SMCP: variants seen among roughly 807,000 people sequenced by gnomAD.
The protein encoded by SMCP is sperm mitochondrial-associated cysteine-rich protein.
For missense variants in SMCP, 137 were observed against 137.1 expected, an observed-to-expected ratio of 1.00 and a Z score of 0.01; for synonymous variants, 41 against 46.9, an observed-to-expected ratio of 0.87 and a Z score of 0.51.
intron 1 of SMCP, among the ~76,000 whole-genome samples, chr1:152,882,374 G>C (rs1435214475): frequency 1.3e-5 from 2 of 152,200 alleles, no homozygotes; most frequent in African/African-American, 4.8e-5. Context: ...AAGAGATGTG[G>C]CTTTCTAAAC....
rs1052473698 is a variant in SMCP at position 152,884,932 on chromosome 1, A to G, written c.*159A>G. The G allele has an allele frequency of 1.2e-4, 77 of 667,170 alleles. No individual in the cohort carries two copies. Among genetic ancestry groups the G allele is most frequent in the African/African-American group, 9.6e-4 (53 of 54,928 alleles). The allele number at this position is 667,170 out of a possible 1,614,324, so 41.3% of individuals were successfully genotyped here. A position where few individuals can be genotyped will look rare whatever the true frequency, so the allele number is the denominator to read the frequency against. Reference sequence around the variant, plus strand: ...ATGAGAGGCTCCTATTTCCCATCATAGCTCCCTACCCTAGGGAGGCCTCCA... The same window carrying G: ...ATGAGAGGCTCCTATTTCCCATCATGGCTCCCTACCCTAGGGAGGCCTCCA... On this transcript the variant is annotated 3_prime_UTR_variant, in exon 2 of 2. Transcript: ENST00000368765.
At chr1:152,879,314 G>A (rs1466947488) in intron 1 of SMCP, among the ~76,000 whole-genome samples, 4 of 152,058 alleles carry the variant, frequency 2.6e-5, no homozygotes, top group Admixed American at 6.5e-5. Context: ...TCTACCTCCC[G>A]GATTCAAGTG....
chr1:152,880,934 G>C lies in SMCP; in HGVS notation c.-21+2488G>C, dbSNP rs1039526381. ...TCTCTCACCCTAATGCTGTAGTTCA[G>C]GAGATTCAAACATAGGGGTCCTTAT... On this transcript the variant is annotated intron_variant, in intron 1 of 1. Coordinates refer to ENST00000368765, the MANE Select transcript of SMCP (RefSeq NM_030663.3). Among the ~76,000 whole-genome samples the C allele has an allele frequency of 7.9e-5, 12 of 152,206 alleles. No individual in the cohort carries two copies. In the South Asian group the frequency reaches 1.5e-3, roughly 18 times the overall value.
intron 1 of SMCP, among the ~76,000 whole-genome samples, chr1:152,881,053 G>A (rs1649019473): frequency 1.3e-5 from 2 of 152,046 alleles, no homozygotes; most frequent in South Asian, 2.1e-4. Context: ...AGTCTGCGCT[G>A]GGGCTGGGTC....
chr1:152,880,633 C>T (rs180758957), intron 1 of SMCP, among the ~76,000 whole-genome samples: 126 of 152,250 alleles, frequency 8.3e-4, no homozygotes, highest in African/African-American at 2.9e-3. Context: ...GACTTGTCCC[C>T]ACCCCCATCC....
chr1:152,884,332 G>A, intron 1 of SMCP, 71 bp from the exon 2 acceptor site: 1 of 1,290,280 alleles, frequency 7.8e-7, no homozygotes, highest in Non-Finnish European at 1.1e-6. Context: ...GTATTTGGGT[G>A]TCAAGAAAGG....
At chr1:152,881,581 G>A (rs995999716) in intron 1 of SMCP, among the ~76,000 whole-genome samples, 12 of 151,046 alleles carry the variant, frequency 7.9e-5, no homozygotes, top group South Asian at 4.2e-4. Flanking sequence ...CCAGCTACTC[G>A]GGAGGCTGAG....
At chr1:152,878,840 G>A (rs995540944) in intron 1 of SMCP, among the ~76,000 whole-genome samples, 4 of 152,234 alleles carry the variant, frequency 2.6e-5, no homozygotes, top group Non-Finnish European at 5.9e-5. Context: ...AGGTTTGAAC[G>A]ATATTCAGTG....
rs16834734 is a variant in SMCP at position 152,880,802 on chromosome 1, T to C, written c.-21+2356T>C. Among the ~76,000 whole-genome samples, 5,636 of 152,086 alleles carry C rather than the reference T, an allele frequency of 0.037. 926 individuals carry two copies. The East Asian group carries it at 0.52, about 14-fold the overall frequency. Reference sequence around the variant, plus strand: ...CACTCTCCCCTTTTTAGGTGGGAACTGCCCTTGACCCAGTTCAGGCTGCAG... The same window carrying C: ...CACTCTCCCCTTTTTAGGTGGGAACCGCCCTTGACCCAGTTCAGGCTGCAG... On this transcript the variant is annotated intron_variant, in intron 1 of 1. Transcript: ENST00000368765.
chr1:152,881,261 C>G (rs1345362061), intron 1 of SMCP, among the ~76,000 whole-genome samples: 1 of 152,112 alleles, frequency 6.6e-6, no homozygotes, highest in East Asian at 1.9e-4. Context: ...AAGGGTGATT[C>G]AGATAGCAAA....
At chr1:152,880,543 C>T (rs1282793801) in intron 1 of SMCP, among the ~76,000 whole-genome samples, 1 of 152,162 alleles carries the variant, frequency 6.6e-6, no homozygotes, top group Non-Finnish European at 1.5e-5. Flanking sequence ...CTCTCTCGGG[C>T]AAGTCAAGGC....
At chr1:152,881,118 C>G (rs1649024885) in intron 1 of SMCP, among the ~76,000 whole-genome samples, 3 of 151,918 alleles carry the variant, frequency 2.0e-5, no homozygotes, top group Admixed American at 1.3e-4. Context: ...TCGGCCACAC[C>G]TGGCTCAATG....
Position 152,884,831 on chromosome 1 carries a change from G to C in SMCP, c.*58G>C. 6.8e-7 allele frequency: 1 copy of C among 1,475,186 alleles called. No homozygotes were observed. Among genetic ancestry groups the C allele is most frequent in the South Asian group, 1.2e-5 (1 of 81,546 alleles). The allele number at this position is 1,475,186 out of a possible 1,614,324, so 91.4% of individuals were successfully genotyped here. A position where few individuals can be genotyped will look rare whatever the true frequency, so the allele number is the denominator to read the frequency against. Reference sequence around the variant, plus strand: ...TGGGGCCATGCCTTTCACTTTGTAGGGTGGGGGATTACTGAGAGTCAGGCT... The same window carrying C: ...TGGGGCCATGCCTTTCACTTTGTAGCGTGGGGGATTACTGAGAGTCAGGCT... On this transcript the variant is annotated 3_prime_UTR_variant, in exon 2 of 2. Transcript: ENST00000368765.
At chr1:152,882,297 G>A (rs915373721) in intron 1 of SMCP, among the ~76,000 whole-genome samples, 1 of 152,128 alleles carries the variant, frequency 6.6e-6, no homozygotes, top group Admixed American at 6.6e-5. Context: ...TTAATGTGAG[G>A]AGAGATTTGT....
intron 1 of SMCP, among the ~76,000 whole-genome samples, chr1:152,883,251 T>A (rs1019176645): frequency 1.3e-5 from 2 of 152,114 alleles, no homozygotes; most frequent in African/African-American, 4.8e-5. Flanking sequence ...GTGAGCTGAG[T>A]CCACAGAGGG....
intron 1 of SMCP, among the ~76,000 whole-genome samples, chr1:152,880,506 C>G (rs1473043770): frequency 1.3e-5 from 2 of 152,144 alleles, no homozygotes; most frequent in African/African-American, 2.4e-5. Context: ...GTGTGCCTCT[C>G]CATTGCTCAC....
chr1:152,878,651 T>A (rs1240616439), intron 1 of SMCP, among the ~76,000 whole-genome samples: 1 of 152,120 alleles, frequency 6.6e-6, no homozygotes, highest in Non-Finnish European at 1.5e-5. Flanking sequence ...GGGGTGGGGA[T>A]AGTGAGAATG....
At chr1:152,881,865 C>A (rs527906596) in intron 1 of SMCP, among the ~76,000 whole-genome samples, 1 of 152,178 alleles carries the variant, frequency 6.6e-6, no homozygotes, top group Non-Finnish European at 1.5e-5. Context: ...GAAGTAAGAA[C>A]AGGGGAAATG....
intron 1 of SMCP, among the ~76,000 whole-genome samples, chr1:152,883,371 G>A (rs984875004): frequency 1.3e-5 from 2 of 152,174 alleles, no homozygotes; most frequent in East Asian, 1.9e-4. Flanking sequence ...TCTGCTCTGG[G>A]ACCACAACAG....
Sources: gnomAD v4.1 joint callset for allele counts (sites outside exome capture counted in the v4.1 genomes callset) on GRCh38, gnomAD v4.1.1 for gene constraint, MANE v1.5 for transcripts, NCBI Gene and HGNC (gene_info 2026-07-23, HGNC 2026-07-21) for gene names.